The following PCCA variants were observed in gnomAD, a reference collection of about 807,000 sequenced individuals.
PCCA encodes propionyl-CoA carboxylase alpha chain, mitochondrial.
PCCA carries 74 observed loss-of-function variants against 101.3 expected under a neutral mutation model. The observed-to-expected ratio is 0.73, with a 90% CI of 0.61 to 0.89. PCCA has a LOEUF of 0.89. Among genes scored for constraint, PCCA ranks in the 40% least tolerant of loss-of-function variants. PCCA has a pLI of 0.00. For synonymous variants in PCCA, 294 were observed against 313.6 expected (o/e 0.94, Z 0.66); for missense variants, 891 against 907.0 (o/e 0.98, Z 0.23).
At chr13:100,516,571 A>G (rs1363321079) in intron 22 of PCCA, among the ~76,000 whole-genome samples, 1 of 152,228 alleles carries the variant, frequency 6.6e-6, no homozygotes, top group East Asian at 1.9e-4. Context: ...TTACCTGGTG[A>G]TACAGAAATA....
At chr13:100,162,518 T>C (rs1010577515) in intron 6 of PCCA, among the ~76,000 whole-genome samples, 7 of 152,228 alleles carry the variant, frequency 4.6e-5, no homozygotes, top group African/African-American at 1.2e-4. Flanking sequence ...TAGCTTTAGC[T>C]GGCATCTGTT....
At chr13:100,457,458 GAC>G (rs1199194549) in intron 21 of PCCA, among the ~76,000 whole-genome samples, 1 of 152,150 alleles carries the variant, frequency 6.6e-6, no homozygotes, top group African/African-American at 2.4e-5. Flanking sequence ...AGAGATGAAG[GAC>G]AGTTTATTAC....
intron 21 of PCCA, among the ~76,000 whole-genome samples, chr13:100,493,306 A>T (rs1057163474): frequency 5.9e-5 from 9 of 152,176 alleles, no homozygotes; most frequent in Non-Finnish European, 1.0e-4. Flanking sequence ...CACAGGTGGG[A>T]CTCAGCATTC....
intron 7 of PCCA, among the ~76,000 whole-genome samples, chr13:100,231,033 A>C (rs901360008): frequency 5.9e-5 from 9 of 151,994 alleles, no homozygotes; most frequent in African/African-American, 1.9e-4. Flanking sequence ...CTACGCTTCT[A>C]TTTCTAAGGT....
rs113345536 is a variant in PCCA, at chr13:100,247,588, A to G, written c.638-10007A>G. On this transcript the variant is annotated intron_variant, in intron 8 of 23. Transcript: ENST00000376285. ...GAGTGCATTGGCACAATCTGGGCTC[A>G]CTGCAACCTCTGCCTCCCGGGTTCA... Among the ~76,000 whole-genome samples, 1,361 of 143,298 alleles carry G rather than the reference A, an allele frequency of 9.5e-3. 15 individuals are homozygous for G. The highest frequency in any genetic ancestry group is 0.033 in the African/African-American group (1,239 of 37,918). The allele number at this position is 143,298 out of a possible 152,430, so 94.0% of individuals were successfully genotyped here. A position where few individuals can be genotyped will look rare whatever the true frequency, so the allele number is the denominator to read the frequency against.
At chr13:100,396,034 T>C (rs17491680) in intron 19 of PCCA, among the ~76,000 whole-genome samples, 19,315 of 152,278 alleles carry the variant, frequency 0.13, 1,412 homozygotes, top group Middle Eastern at 0.25. Flanking sequence ...AGGTTTAGTT[T>C]GGAGTTACCT....
chr13:100,093,141 T>C (rs1446495026), intron 1 of PCCA, among the ~76,000 whole-genome samples: 1 of 131,890 alleles, frequency 7.6e-6, no homozygotes, highest in African/African-American at 3.0e-5. Context: ...AAGAAACACT[T>C]TTTTGGTGGG....
chr13:100,410,529 C>T (rs1057188649), intron 19 of PCCA, among the ~76,000 whole-genome samples: 1 of 152,232 alleles, frequency 6.6e-6, no homozygotes, highest in African/African-American at 2.4e-5. Context: ...GCTTGAGCCA[C>T]CACGCCCAGC....
chr13:100,335,759 G>A (rs2070348600), intron 17 of PCCA, among the ~76,000 whole-genome samples: 1 of 152,144 alleles, frequency 6.6e-6, no homozygotes, highest in African/African-American at 2.4e-5. Flanking sequence ...TTGGTTCCCA[G>A]GGGACTGGCA....
At chr13:100,259,185 GGTA>G (rs1182109386) in intron 9 of PCCA, among the ~76,000 whole-genome samples, 2 of 151,742 alleles carry the variant, frequency 1.3e-5, no homozygotes, top group Admixed American at 1.3e-4. Flanking sequence ...AGGAAAATTT[GGTA>G]GCTTAATTAC....
At chr13:100,491,831 AT>A in intron 21 of PCCA, 1 of 986,422 alleles carries the variant, frequency 1.0e-6, no homozygotes, top group Non-Finnish European at 1.3e-6. Context: ...TTTTTTCTCT[AT>A]TTTTTAAAAT....
At chr13:100,257,803 A>G (rs982951058) in intron 9 of PCCA, 130 bp downstream of exon 9, 1 of 705,514 alleles carries the variant, frequency 1.4e-6, no homozygotes, top group Admixed American at 2.1e-5. Context: ...TACACTTTTG[A>G]ATGGGAAAAA....
At chr13:100,376,677 G>A (rs2075922927) in intron 19 of PCCA, among the ~76,000 whole-genome samples, 1 of 152,182 alleles carries the variant, frequency 6.6e-6, no homozygotes, top group Non-Finnish European at 1.5e-5. Flanking sequence ...TCCCTGCCAG[G>A]TTGACTTCAG....
rs74359948 is a variant in PCCA, at chr13:100,218,344, G to GT, written c.600+8896dup. Among the ~76,000 whole-genome samples, 680 of 136,390 alleles carry GT rather than the reference G, an allele frequency of 5.0e-3. 4 individuals are homozygous for GT. Among genetic ancestry groups the GT allele is most frequent in the Middle Eastern group, 0.011 (3 of 264 alleles). The allele number at this position is 136,390 out of a possible 152,430, so 89.5% of individuals were successfully genotyped here. On this transcript the variant is annotated intron_variant, in intron 7 of 23. Coordinates refer to ENST00000376285, the MANE Select transcript of PCCA (RefSeq NM_000282.4). ...CCACCACCATGTCTGGCTATGGGTT[G>GT]TTTTTTTTTTTTTTTGTATTTAGCA...
At chr13:100,527,159 T>A (rs1173173983) in intron 22 of PCCA, 1 of 369,188 alleles carries the variant, frequency 2.7e-6, no homozygotes, top group African/African-American at 2.1e-5. Context: ...TTTAGCCCTT[T>A]AACGTGTACG....
At chr13:100,286,078 ATG>A (rs754251113) in intron 12 of PCCA, among the ~76,000 whole-genome samples, 70 of 152,164 alleles carry the variant, frequency 4.6e-4, no homozygotes, top group Non-Finnish European at 8.8e-4. Flanking sequence ...ACCCCTCTGC[ATG>A]TGTGTGGGGG....
intron 4 of PCCA, among the ~76,000 whole-genome samples, chr13:100,148,135 C>G (rs908715346): frequency 6.6e-6 from 1 of 152,036 alleles, no homozygotes; most frequent in Non-Finnish European, 1.5e-5. Flanking sequence ...ACTCTGTTAG[C>G]CAGGATGGAG....
In PCCA at chr13:100,150,503, AGAGTATTGC is replaced by A. The variant is rs1413823332; in HGVS notation, c.301-4474_301-4466del. ...ATATTAGCGGTAACGGTGGAGCGGG[AGAGTATTGC>A]GCCTTCTCCAAGCTCCCCGGCGAGA... is the stretch of plus-strand genomic sequence containing the variant. On this transcript the variant is annotated intron_variant, in intron 4 of 23. Coordinates refer to ENST00000376285, the MANE Select transcript of PCCA (RefSeq NM_000282.4). 10 of 1,312,682 alleles carry A rather than the reference AGAGTATTGC, an allele frequency of 7.6e-6. No homozygotes were observed. In the African/African-American group the frequency reaches 1.3e-4, roughly 17 times the overall value. 81.3% of individuals were successfully genotyped at this position (1,312,682 alleles called of 1,614,324 possible).
chr13:100,222,097 A>G (rs1156420895), intron 7 of PCCA, among the ~76,000 whole-genome samples: 1 of 151,410 alleles, frequency 6.6e-6, no homozygotes, highest in East Asian at 1.9e-4. Context: ...ACTGGAGTAC[A>G]GTGGCACAAT....
Sources: allele counts gnomAD v4.1 joint callset (sites outside exome capture counted in the v4.1 genomes callset), GRCh38; gene constraint gnomAD v4.1.1; transcripts MANE v1.5; gene names NCBI Gene and HGNC (gene_info 2026-07-23, HGNC 2026-07-21).